Variants in SGF29 observed in about 807,000 individuals in gnomAD.
SGF29 encodes the protein SAGA-associated factor 29.
In SGF29, 15 loss-of-function variants were observed where a neutral mutation model predicts 38.1. That is an observed-to-expected ratio of 0.39 (90% CI 0.26 to 0.61). SGF29 has a LOEUF of 0.61. Among genes scored for constraint, SGF29 ranks in the 20% least tolerant of loss-of-function variants. SGF29 has a pLI of 0.49. For missense variants in SGF29, 184 were observed against 394.6 expected, an observed-to-expected ratio of 0.47 and a Z score of 4.52; for synonymous variants, 151 against 160.8, an observed-to-expected ratio of 0.94 and a Z score of 0.46.
chr16:28,589,521 C>CA (rs1188944232), intron 5 of SGF29: 7 of 255,888 alleles, frequency 2.7e-5, no homozygotes, highest in Non-Finnish European at 5.4e-5. Flanking sequence ...GCCAGCCTTC[C>CA]AGACCCCCTC....
intron 4 of SGF29, chr16:28,588,759 C>T (rs1218189824): frequency 2.8e-5 from 10 of 351,068 alleles, no homozygotes; most frequent in East Asian, 8.0e-5. Flanking sequence ...TTAATACAGA[C>T]GGGGTTTCAC....
intron 1 of SGF29, among the ~76,000 whole-genome samples, chr16:28,562,704 A>G (rs541882993): frequency 5.1e-4 from 78 of 152,022 alleles, no homozygotes; most frequent in African/African-American, 1.7e-3. Context: ...GGAGTTTGAG[A>G]TCATCCTGGG....
In SGF29 at chr16:28,590,060, A is replaced by G. The variant is rs745640069; in HGVS notation, c.290-36A>G. On this transcript the variant is annotated intron_variant, in intron 5 of 9. Transcript: ENST00000317058. This position sits in a 1 kb window ranked among gnomAD's most constrained non-coding sequence, Gnocchi z 8.2. ...TGCTCGGGGGTCAAGGCCGGCACCT[A>G]TCCCTGGGGCCTCAGGCCTCCCTTC... The G allele has an allele frequency of 1.1e-5, 18 of 1,597,466 alleles. No homozygotes were observed. The East Asian group carries it at 1.3e-4, about 12-fold the overall frequency.
chr16:28,564,555 A>G (rs1270524047), intron 1 of SGF29, among the ~76,000 whole-genome samples: 20 of 132,252 alleles, frequency 1.5e-4, no homozygotes, highest in East Asian at 4.1e-4. Flanking sequence ...ATATACGTAT[A>G]TATATATATA....
intron 1 of SGF29, among the ~76,000 whole-genome samples, chr16:28,572,436 C>T (rs1567288556): frequency 6.6e-6 from 1 of 151,942 alleles, no homozygotes; most frequent in Non-Finnish European, 1.5e-5. Context: ...GCCTGGCTAA[C>T]TTTTGTATTT....
At chr16:28,589,241 T>C in intron 5 of SGF29, 77 bp downstream of exon 5, 1 of 1,457,004 alleles carries the variant, frequency 6.9e-7, no homozygotes, top group Non-Finnish European at 9.6e-7. Flanking sequence ...GTCACCCTCC[T>C]GTGGGGGCCT....
intron 4 of SGF29, 113 bp from the exon 5 acceptor site, chr16:28,588,987 G>C: frequency 1.8e-6 from 2 of 1,089,896 alleles, no homozygotes; most frequent in Non-Finnish European, 2.8e-6. Flanking sequence ...AGAACCTCTG[G>C]AGTCCGGGAC....
chr16:28,591,779 A>C lies in SGF29; in HGVS notation c.*73A>C. The C allele has an allele frequency of 7.5e-7, 1 of 1,331,918 alleles. No individual in the cohort carries two copies. The highest frequency in any genetic ancestry group is 1.8e-5 in the Admixed American group (1 of 57,056). The allele number at this position is 1,331,918 out of a possible 1,614,324, so 82.5% of individuals were successfully genotyped here. On this transcript the variant is annotated 3_prime_UTR_variant, in exon 10 of 10. Coordinates refer to ENST00000317058, the MANE Select transcript of SGF29 (RefSeq NM_138414.3). Reference sequence around the variant, plus strand: ...CAGAGGACGTGCTGGGATTAAACACATTCCCCCTCTACTCGTCTCCTGGGT... The same window carrying C: ...CAGAGGACGTGCTGGGATTAAACACCTTCCCCCTCTACTCGTCTCCTGGGT...
intron 1 of SGF29, among the ~76,000 whole-genome samples, chr16:28,558,808 C>T (rs950310670): frequency 6.6e-6 from 1 of 152,036 alleles, no homozygotes; most frequent in Non-Finnish European, 1.5e-5. Context: ...CATAAGGTCA[C>T]AGTACAATTC....
chr16:28,589,681 C>A (rs1042078460), intron 5 of SGF29, among the ~76,000 whole-genome samples: 16 of 152,202 alleles, frequency 1.1e-4, no homozygotes, highest in African/African-American at 3.9e-4. Context: ...TGAAGGTGCA[C>A]ATTTAATTTT....
chr16:28,570,975 ATGT>A (rs2046861521), intron 1 of SGF29, among the ~76,000 whole-genome samples: 1 of 152,066 alleles, frequency 6.6e-6, no homozygotes, highest in Non-Finnish European at 1.5e-5. Flanking sequence ...GGTGGACTGA[ATGT>A]ATTTTGCAAG....
chr16:28,555,325 A>T (rs2046743175), intron 1 of SGF29, among the ~76,000 whole-genome samples: 2 of 152,138 alleles, frequency 1.3e-5, no homozygotes, highest in Non-Finnish European at 2.9e-5. Flanking sequence ...AAAATTAAAA[A>T]ATTAGCCGGG....
intron 9 of SGF29, among the ~76,000 whole-genome samples, chr16:28,591,173 C>T (rs2046988201): frequency 6.6e-6 from 1 of 152,112 alleles, no homozygotes; most frequent in Non-Finnish European, 1.5e-5. Context: ...AGAACCAGCT[C>T]CGAGATGGGA....
chr16:28,562,025 A>G (rs1179832125), intron 1 of SGF29, among the ~76,000 whole-genome samples: 1 of 152,222 alleles, frequency 6.6e-6, no homozygotes, highest in African/African-American at 2.4e-5. Context: ...TTGTTCTCTC[A>G]GACAAGCCAC....
intron 1 of SGF29, among the ~76,000 whole-genome samples, chr16:28,554,814 C>T (rs1261495140): frequency 1.3e-5 from 2 of 152,208 alleles, no homozygotes; most frequent in African/African-American, 4.8e-5. Flanking sequence ...TCAAAGCCAC[C>T]AGTGATCTCT....
chr16:28,564,785 A>ATATG (rs2046826558), intron 1 of SGF29, among the ~76,000 whole-genome samples: 3 of 124,690 alleles, frequency 2.4e-5, no homozygotes, highest in Admixed American at 1.8e-4. Flanking sequence ...ATATATATAT[A>ATATG]TACACACACA....
At chr16:28,579,719 TCAGGAGTTTGAGAC>T (rs1375968017) in intron 1 of SGF29, among the ~76,000 whole-genome samples, 1 of 151,552 alleles carries the variant, frequency 6.6e-6, no homozygotes, top group Non-Finnish European at 1.5e-5. Context: ...TCACCTGAGG[TCAGGAGTTTGAGAC>T]CAGCCTGGCC....
chr16:28,570,401 G>C (rs1302907779), intron 1 of SGF29, among the ~76,000 whole-genome samples: 1 of 152,064 alleles, frequency 6.6e-6, no homozygotes, highest in Non-Finnish European at 1.5e-5. Flanking sequence ...TAGAATGTCT[G>C]TCCTATGCCT....
chr16:28,560,661 CA>C (rs528680864), intron 1 of SGF29, among the ~76,000 whole-genome samples: 2 of 150,016 alleles, frequency 1.3e-5, no homozygotes, highest in African/African-American at 4.9e-5. Flanking sequence ...TCTGTGTTTA[CA>C]AAAAAAGGCA....
Sources: allele counts gnomAD v4.1 joint callset (sites outside exome capture counted in the v4.1 genomes callset), GRCh38; gene constraint gnomAD v4.1.1; non-coding constraint Gnocchi (gnomAD v3.1); transcripts MANE v1.5; gene names NCBI Gene and HGNC (gene_info 2026-07-23, HGNC 2026-07-21).